Variants in BTBD9 observed in about 807,000 individuals in gnomAD.
The protein encoded by BTBD9 is BTB/POZ domain-containing protein 9.
In BTBD9, 49 loss-of-function variants were observed where a neutral mutation model predicts 64.3. That is an observed-to-expected ratio of 0.76 (90% CI 0.61 to 0.97). BTBD9 has a LOEUF of 0.97. Among genes scored for constraint, BTBD9 ranks in the 50% least tolerant of loss-of-function variants. The pLI is 0.00. For synonymous variants in BTBD9, 260 were observed against 274.7 expected (o/e 0.95, Z 0.53); for missense variants, 598 against 762.1 (o/e 0.78, Z 2.53).
At chr6:38,209,989 T>A (rs992835126) in intron 9 of BTBD9, among the ~76,000 whole-genome samples, 6 of 152,280 alleles carry the variant, frequency 3.9e-5, no homozygotes, top group Admixed American at 3.9e-4. Flanking sequence ...TCCCGCCAGC[T>A]CCTCATATTC....
intron 7 of BTBD9, 102 bp from the exon 8 acceptor site, chr6:38,288,563 T>A: frequency 1.1e-6 from 1 of 893,954 alleles, no homozygotes; most frequent in Admixed American, 2.5e-5. Flanking sequence ...CTCAAATCAA[T>A]GATAAAAGAA....
At chr6:38,305,963 AAC>A (rs1260127455) in intron 7 of BTBD9, among the ~76,000 whole-genome samples, 2 of 152,300 alleles carry the variant, frequency 1.3e-5, no homozygotes, top group Non-Finnish European at 2.9e-5. Context: ...TCTTTCTAGA[AAC>A]ACAAACCTCA....
chr6:38,579,681 A>C (rs1384049372), intron 5 of BTBD9, among the ~76,000 whole-genome samples: 1 of 152,256 alleles, frequency 6.6e-6, no homozygotes, highest in Non-Finnish European at 1.5e-5. Flanking sequence ...AAAGGTTATA[A>C]TATTCAAAAC....
In BTBD9 at chr6:38,400,514, C is replaced by T. The variant is rs149930170; in HGVS notation, c.1155-55421G>A. Among the ~76,000 whole-genome samples, 1,139 of 152,262 alleles carry T rather than the reference C, an allele frequency of 7.5e-3. 9 individuals are homozygous for T. The highest frequency in any genetic ancestry group is 0.012 in the Non-Finnish European group (823 of 68,012). On this transcript the variant is annotated intron_variant, in intron 6 of 10. Transcript: ENST00000481247. ...TACAGGTATCTAGCATGATTAACCA[C>T]CCTTTCTCCCCAAAAGCCTTCTTTC...
At chr6:38,585,948 A>ACC (rs2037145579) in intron 4 of BTBD9, among the ~76,000 whole-genome samples, 1 of 146,602 alleles carries the variant, frequency 6.8e-6, no homozygotes, top group African/African-American at 2.7e-5. Flanking sequence ...CCACACACAC[A>ACC]CACACACACA....
intron 9 of BTBD9, among the ~76,000 whole-genome samples, chr6:38,194,205 G>A (rs1271124711): frequency 6.6e-6 from 1 of 152,120 alleles, no homozygotes; most frequent in Non-Finnish European, 1.5e-5. Context: ...TGTCTCTTGC[G>A]AGCCAAGCAG....
intron 6 of BTBD9, among the ~76,000 whole-genome samples, chr6:38,413,584 T>C (rs578164540): frequency 2.6e-5 from 4 of 152,334 alleles, no homozygotes; most frequent in Admixed American, 1.3e-4. Flanking sequence ...CAGTTATTCA[T>C]CACTTTCAAA....
At chr6:38,350,561 A>T (rs543729689) in intron 6 of BTBD9, among the ~76,000 whole-genome samples, 1 of 152,344 alleles carries the variant, frequency 6.6e-6, no homozygotes, top group African/African-American at 2.4e-5. Flanking sequence ...TGAGCTCTCA[A>T]GGGATTAACT....
intron 9 of BTBD9, among the ~76,000 whole-genome samples, chr6:38,198,462 G>A (rs1020604029): frequency 3.9e-5 from 6 of 152,190 alleles, no homozygotes; most frequent in South Asian, 2.1e-4. Flanking sequence ...CATAAGTGAC[G>A]AGAGAAAGGG....
intron 6 of BTBD9, among the ~76,000 whole-genome samples, chr6:38,450,283 G>A (rs1030410220): frequency 1.3e-5 from 2 of 152,108 alleles, no homozygotes; most frequent in Admixed American, 6.5e-5. Context: ...GGAGAAGATG[G>A]GGAAATGCTA....
At chr6:38,402,977 G>A (rs939337033) in intron 6 of BTBD9, 4 of 597,070 alleles carry the variant, frequency 6.7e-6, no homozygotes, top group South Asian at 1.9e-5. Context: ...GCTGGTTAAG[G>A]TGGGAGAATT....
At chr6:38,567,668 G>A (rs952205686) in intron 6 of BTBD9, among the ~76,000 whole-genome samples, 17 of 152,126 alleles carry the variant, frequency 1.1e-4, no homozygotes, top group South Asian at 4.1e-4. Context: ...TCTGGCAGCC[G>A]ACAAGCAATC....
At chr6:38,387,960 C>CTCACT (rs1766250850) in intron 6 of BTBD9, among the ~76,000 whole-genome samples, 1 of 152,170 alleles carries the variant, frequency 6.6e-6, no homozygotes, top group African/African-American at 2.4e-5. Context: ...AATGCATGTA[C>CTCACT]TCACTTCACA....
chr6:38,595,164 A>G lies in BTBD9; in HGVS notation c.186-837T>C, dbSNP rs148457430. On this transcript the variant is annotated intron_variant, in intron 2 of 10. Transcript: ENST00000481247. ...TAAAAAAGTACATAACCAAATATTT[A>G]CATGTTTATGCACATATGTCTACAT... 3.9e-4 allele frequency among the ~76,000 whole-genome samples: 59 copies of G among 152,360 alleles called. 1 individual carries two copies. The highest frequency in any genetic ancestry group is 1.3e-3 in the African/African-American group (53 of 41,594).
chr6:38,333,384 G>A (rs1763751373), intron 7 of BTBD9, among the ~76,000 whole-genome samples: 1 of 152,198 alleles, frequency 6.6e-6, no homozygotes, highest in Non-Finnish European at 1.5e-5. Context: ...TTAGTTTTGT[G>A]CAGTATTTTC....
intron 6 of BTBD9, among the ~76,000 whole-genome samples, chr6:38,521,894 C>T (rs545264286): frequency 1.2e-4 from 18 of 152,128 alleles, no homozygotes; most frequent in Non-Finnish European, 1.9e-4. Context: ...AGCCTGGTCT[C>T]CAACTCTTGA....
intron 6 of BTBD9, among the ~76,000 whole-genome samples, chr6:38,545,837 AACACAC>A (rs1233030307): frequency 8.9e-6 from 1 of 112,848 alleles, no homozygotes; most frequent in Non-Finnish European, 1.8e-5. Flanking sequence ...TAATATTTAA[AACACAC>A]ACACACACAC....
intron 4 of BTBD9, among the ~76,000 whole-genome samples, chr6:38,590,909 A>C (rs1174641284): frequency 3.9e-5 from 6 of 152,098 alleles, no homozygotes; most frequent in Non-Finnish European, 8.8e-5. Flanking sequence ...AATCATCAAG[A>C]TCTATTTTTT....
chr6:38,538,271 T>A (rs1774113398), intron 6 of BTBD9, among the ~76,000 whole-genome samples: 2 of 152,148 alleles, frequency 1.3e-5, no homozygotes, highest in Admixed American at 6.5e-5. Flanking sequence ...AATGGTTAAG[T>A]CCATAGTGTT....
Sources: gnomAD v4.1 joint callset for allele counts (sites outside exome capture counted in the v4.1 genomes callset) on GRCh38, gnomAD v4.1.1 for gene constraint, MANE v1.5 for transcripts, NCBI Gene and HGNC (gene_info 2026-07-23, HGNC 2026-07-21) for gene names.